GNG7: variants seen among roughly 807,000 people sequenced by gnomAD.
The protein encoded by GNG7 is guanine nucleotide-binding protein G(I)/G(S)/G(O) subunit gamma-7.
A neutral mutation model predicts 4.0 loss-of-function variants in GNG7; 1 was observed. The ratio of observed to expected loss-of-function variants is 0.25; its 90% CI spans 0.09 to 1.18. The LOEUF (loss-of-function observed/expected upper bound fraction) is 1.18. GNG7 is among the 50% of genes most tolerant of loss of function. GNG7 has a pLI of 0.50. For missense variants in GNG7, 86 were observed against 91.9 expected (o/e 0.94, Z 0.26); for synonymous variants, 34 against 36.9 (o/e 0.92, Z 0.29).
chr19:2,682,993 G>A (rs1983779593), intron 1 of GNG7, among the ~76,000 whole-genome samples: 1 of 152,024 alleles, frequency 6.6e-6, no homozygotes, highest in Non-Finnish European at 1.5e-5. Context: ...AGCACTTTGG[G>A]AGTCCGAGGC....
intron 2 of GNG7, among the ~76,000 whole-genome samples, chr19:2,564,867 GA>G (rs1208820991): frequency 7.0e-6 from 1 of 142,330 alleles, no homozygotes; most frequent in Non-Finnish European, 1.5e-5. Flanking sequence ...GGCACTCTAG[GA>G]AATGAATACA....
intron 4 of GNG7, among the ~76,000 whole-genome samples, chr19:2,519,260 C>G (rs1309175705): frequency 1.4e-5 from 2 of 147,560 alleles, no homozygotes; most frequent in African/African-American, 2.5e-5. Context: ...AAGTGATTCT[C>G]CTGCCTCAGC....
At chr19:2,605,489 A>T (rs950706392) in intron 2 of GNG7, among the ~76,000 whole-genome samples, 2 of 132,458 alleles carry the variant, frequency 1.5e-5, no homozygotes, top group South Asian at 4.9e-4. Context: ...GTGAGCCACC[A>T]CACCTGGCCA....
intron 1 of GNG7, among the ~76,000 whole-genome samples, chr19:2,670,282 G>A (rs116634516): frequency 0.02 from 3,055 of 152,314 alleles, 98 homozygotes; most frequent in African/African-American, 0.07. Context: ...AGAGGAAGGA[G>A]CACCAGTGGG....
chr19:2,648,276 G>A (rs972996758), intron 1 of GNG7, among the ~76,000 whole-genome samples: 3 of 148,700 alleles, frequency 2.0e-5, no homozygotes, highest in Non-Finnish European at 4.5e-5. Context: ...CAAACCTGTA[G>A]TCCCAGCTAC....
chr19:2,637,380 A>C (rs1003562859), intron 2 of GNG7, among the ~76,000 whole-genome samples: 3 of 151,932 alleles, frequency 2.0e-5, no homozygotes, highest in African/African-American at 7.3e-5. Context: ...GCTGCCACCC[A>C]GAGGTCAGAG....
intron 1 of GNG7, among the ~76,000 whole-genome samples, chr19:2,657,337 TAAAAAAAA>T (rs372388972): frequency 9.7e-3 from 134 of 13,822 alleles, no homozygotes; most frequent in African/African-American, 0.014. Context: ...CCGTCTCAAT[TAAAAAAAA>T]AAAAAAAAAA....
chr19:2,689,005 C>T (rs1028515135), intron 1 of GNG7, among the ~76,000 whole-genome samples: 2 of 151,806 alleles, frequency 1.3e-5, no homozygotes, highest in Non-Finnish European at 2.9e-5. Flanking sequence ...TTGGAGGCTA[C>T]AGTGAGCCAT....
chr19:2,590,751 A>C (rs568311590), intron 2 of GNG7, among the ~76,000 whole-genome samples: 1 of 151,212 alleles, frequency 6.6e-6, no homozygotes, highest in Admixed American at 6.6e-5. Context: ...CCACCCATCC[A>C]CCCACCTAAC....
intron 1 of GNG7, among the ~76,000 whole-genome samples, chr19:2,650,109 G>A (rs1039412510): frequency 3.3e-5 from 5 of 151,922 alleles, no homozygotes; most frequent in African/African-American, 4.8e-5. Context: ...ATTCACCGGC[G>A]GATGGACAAT....
chr19:2,621,602 C>G lies in GNG7; in HGVS notation c.-78+24622G>C, dbSNP rs563057847. Among the ~76,000 whole-genome samples the G allele has an allele frequency of 3.3e-5, 5 of 152,014 alleles. No individual in the cohort carries two copies. In the East Asian group the frequency reaches 7.7e-4, roughly 24 times the overall value. The stretch of plus-strand genomic sequence containing the variant: ...ATCCCAGCTACTCGGGAGGCTGAGG[C>G]AGGAGAATTGCTTGAACCTGGGAGG... On this transcript the variant is annotated intron_variant, in intron 2 of 4. Coordinates refer to ENST00000382159, the MANE Select transcript of GNG7 (RefSeq NM_052847.3).
chr19:2,511,731 A>G lies in GNG7; in HGVS notation c.*3291T>C, dbSNP rs1363101896. On this transcript the variant is annotated 3_prime_UTR_variant, in exon 5 of 5. Coordinates refer to ENST00000382159, the MANE Select transcript of GNG7 (RefSeq NM_052847.3). This position sits in a 1 kb window ranked among gnomAD's most constrained non-coding sequence, Gnocchi z 6.3. ...ACACGGTGGCCGGCCCGTCAAAGGG[A>G]CCACGCAGAAGGAGGGAAACAGGAG... 5.3e-5 allele frequency: 47 copies of G among 892,616 alleles called. No homozygotes were observed. In the Admixed American group the frequency reaches 2.5e-3, roughly 47 times the overall value. The allele number at this position is 892,616 out of a possible 1,614,324, so 55.3% of individuals were successfully genotyped here. A position where few individuals can be genotyped will look rare whatever the true frequency, so the allele number is the denominator to read the frequency against.
At chr19:2,607,199 C>T (rs889339659) in intron 2 of GNG7, among the ~76,000 whole-genome samples, 31 of 138,412 alleles carry the variant, frequency 2.2e-4, no homozygotes, top group Admixed American at 5.4e-4. Flanking sequence ...CCAGCCTGGG[C>T]GACAGAGCAA....
At chr19:2,604,531 G>T (rs937852257) in intron 2 of GNG7, among the ~76,000 whole-genome samples, 1 of 144,906 alleles carries the variant, frequency 6.9e-6, no homozygotes, top group African/African-American at 2.6e-5. Flanking sequence ...GAGGGAGGGA[G>T]GGAGCGAGGG....
rs1972652900 is a variant in GNG7 at position 2,511,374 on chromosome 19, AG to A, written c.*3647del. ...CCAGACATCCCAATGCAGATGGCATAGAACCTGCTAGAACCACAGGCGGCGG... is the reference window on the plus strand; with the variant it reads ...CCAGACATCCCAATGCAGATGGCATAAACCTGCTAGAACCACAGGCGGCGG... On this transcript the variant is annotated 3_prime_UTR_variant, in exon 5 of 5. Transcript: ENST00000382159. The surrounding 1 kb of genome is among the most constrained non-coding windows in gnomAD (Gnocchi z 6.3). 1 of 152,324 alleles carries A rather than the reference AG, an allele frequency of 6.6e-6. No homozygotes were observed. Among genetic ancestry groups the A allele is most frequent in the African/African-American group, 2.4e-5 (1 of 41,478 alleles). 9.4% of individuals were successfully genotyped at this position (152,324 alleles called of 1,614,324 possible). A position where few individuals can be genotyped will look rare whatever the true frequency, so the allele number is the denominator to read the frequency against.
At chr19:2,549,707 C>T (rs929956037) in intron 3 of GNG7, among the ~76,000 whole-genome samples, 5 of 150,532 alleles carry the variant, frequency 3.3e-5, no homozygotes, top group African/African-American at 1.2e-4. Context: ...ACCACCGCTG[C>T]AGCTACCAGG....
At chr19:2,643,886 T>C in intron 2 of GNG7, 4 of 330,296 alleles carry the variant, frequency 1.2e-5, no homozygotes, top group South Asian at 2.4e-5. Flanking sequence ...AGGCGACCTC[T>C]GATCTGTCAC....
intron 3 of GNG7, among the ~76,000 whole-genome samples, chr19:2,523,986 G>T (rs1230815491): frequency 6.6e-6 from 1 of 152,182 alleles, no homozygotes; most frequent in African/African-American, 2.4e-5. Context: ...GAGCTTCAAA[G>T]CAGCCACAAA....
chr19:2,669,602 G>A (rs542356230), intron 1 of GNG7, among the ~76,000 whole-genome samples: 6 of 152,336 alleles, frequency 3.9e-5, no homozygotes, highest in South Asian at 2.1e-4. Context: ...AGCCATGCCC[G>A]TTTATGTACT....
Sources: allele counts gnomAD v4.1 joint callset (sites outside exome capture counted in the v4.1 genomes callset), GRCh38; gene constraint gnomAD v4.1.1; non-coding constraint Gnocchi (gnomAD v3.1); transcripts MANE v1.5; gene names NCBI Gene and HGNC (gene_info 2026-07-23, HGNC 2026-07-21).